ZNF599: variants seen among roughly 807,000 people sequenced by gnomAD.
ZNF599 encodes the protein zinc finger protein 599.
A neutral mutation model predicts 11.7 loss-of-function variants in ZNF599; 10 were observed. The observed-to-expected ratio is 0.86, with a 90% confidence interval of 0.53 to 1.45. The LOEUF (loss-of-function observed/expected upper bound fraction) is 1.45. Among genes scored for constraint, ZNF599 ranks in the 40% most tolerant of loss-of-function variants. The pLI is 0.00. For missense variants in ZNF599, 688 were observed against 713.6 expected (o/e 0.96, Z 0.41); for synonymous variants, 232 against 253.2 (o/e 0.92, Z 0.79).
rs780405485 is a variant in ZNF599 at position 34,769,807 on chromosome 19, C to T, written c.19-252G>A. Reference sequence around the variant, plus strand: ...ATCCCATCTGACTGTGAGGAGCAGACAGTAATGTCCTAGGACATTACAAGA... The same window carrying T: ...ATCCCATCTGACTGTGAGGAGCAGATAGTAATGTCCTAGGACATTACAAGA... On this transcript the variant is annotated intron_variant, in intron 1 of 3. Transcript: ENST00000329285. Among the ~76,000 whole-genome samples, 5 of 152,292 alleles carry T rather than the reference C, an allele frequency of 3.3e-5. No individual in the cohort carries two copies. The East Asian group carries it at 5.8e-4, about 18-fold the overall frequency.
chr19:34,771,820 C>T (rs188132770), intron 1 of ZNF599, among the ~76,000 whole-genome samples: 13 of 152,240 alleles, frequency 8.5e-5, no homozygotes, highest in Admixed American at 4.6e-4. Flanking sequence ...GGATGAAAAA[C>T]AGAACAGAAG....
upstream of ZNF599, among the ~76,000 whole-genome samples, chr19:34,775,947 G>A (rs557479482): frequency 6.6e-6 from 1 of 152,204 alleles, no homozygotes; most frequent in Non-Finnish European, 1.5e-5. Flanking sequence ...ACACATCAAG[G>A]AAATGAGTAG....
chr19:34,795,327 G>A, the ZNF599 span, among the ~76,000 whole-genome samples: 1 of 152,172 alleles, frequency 6.6e-6, no homozygotes, highest in African/African-American at 2.4e-5. Context: ...CCAAGCTGGA[G>A]TGTAGTGGCA....
chr19:34,777,543 T>A (rs1346260264), upstream of ZNF599, among the ~76,000 whole-genome samples: 2 of 122,968 alleles, frequency 1.6e-5, no homozygotes, highest in Non-Finnish European at 3.2e-5. Flanking sequence ...TCTATATATC[T>A]ATATTATATA....
At chr19:34,771,202 G>C (rs955417668) in intron 1 of ZNF599, among the ~76,000 whole-genome samples, 1 of 152,242 alleles carries the variant, frequency 6.6e-6, no homozygotes, top group East Asian at 1.9e-4. Flanking sequence ...AGTGAGCTGC[G>C]ATGGGGCCAC....
chr19:34,805,441 C>T, the ZNF599 span, among the ~76,000 whole-genome samples: 1 of 152,086 alleles, frequency 6.6e-6, no homozygotes, highest in African/African-American at 2.4e-5. Context: ...CGTGATCCAC[C>T]CGCCTCGGCC....
Position 34,759,975 on chromosome 19 carries a change from T to A in ZNF599, c.826A>T (p.Ile276Phe), listed in dbSNP as rs985107923. The A allele has an allele frequency of 1.9e-6, 3 of 1,614,230 alleles. No individual in the cohort carries two copies. In the African/African-American group the frequency reaches 4.0e-5, roughly 22 times the overall value. The change falls in exon 4 of 4, where the codon ATT becomes TTT. Residue 276 changes from isoleucine (I) to phenylalanine (F), a missense_variant. By Grantham distance (21) the Ile-to-Phe change is conservative. Coordinates refer to ENST00000329285, the MANE Select transcript of ZNF599 (RefSeq NM_001007248.3). ...RRFHLTEHQR[I>F]HTGDKPYECK... Reference sequence around the variant, plus strand: ...TCATAGGGCTTATCTCCGGTGTGAATACGCTGGTGCTCCGTGAGGTGAAAC... The same window carrying A: ...TCATAGGGCTTATCTCCGGTGTGAAAACGCTGGTGCTCCGTGAGGTGAAAC...
chr19:34,790,477 C>A, the ZNF599 span, among the ~76,000 whole-genome samples: 1 of 152,062 alleles, frequency 6.6e-6, no homozygotes, highest in Admixed American at 6.6e-5. Flanking sequence ...ACATAGATGA[C>A]CCTGGAGAAT....
the ZNF599 span, among the ~76,000 whole-genome samples, chr19:34,782,046 G>A: frequency 6.7e-3 from 1,027 of 152,346 alleles, 11 homozygotes; most frequent in African/African-American, 0.024. Flanking sequence ...AACAGGGACA[G>A]GTTACTGATA....
chr19:34,806,622 G>A, the ZNF599 span, among the ~76,000 whole-genome samples: 1 of 143,626 alleles, frequency 7.0e-6, no homozygotes, highest in Non-Finnish European at 1.5e-5. Flanking sequence ...CAATATGGCT[G>A]ACTGGAGTCT....
At chr19:34,791,508 CAA>C in the ZNF599 span, among the ~76,000 whole-genome samples, 1 of 152,198 alleles carries the variant, frequency 6.6e-6, no homozygotes, top group Non-Finnish European at 1.5e-5. Context: ...TTCTGTGTTA[CAA>C]TAGCCAGCAT....
intron 1 of ZNF599, among the ~76,000 whole-genome samples, chr19:34,770,179 T>C (rs2069173806): frequency 6.6e-6 from 1 of 152,212 alleles, no homozygotes; most frequent in African/African-American, 2.4e-5. Context: ...TCAATAGTCA[T>C]CCTATAGCCC....
chr19:34,759,788 A>T lies in ZNF599; in HGVS notation c.1013T>A (p.Leu338His), dbSNP rs866828658. Residue 338 changes from leucine (L) to histidine (H), a missense_variant, in exon 4 of 4, where the codon CTC becomes CAC. By Grantham distance (99) the Leu-to-His change is moderately conservative. Coordinates refer to ENST00000329285, the MANE Select transcript of ZNF599 (RefSeq NM_001007248.3). ...QHMRIHTGKK[L>H]YECGECGKAF... ...CTTTCCACATTCACCGCACTCATAG[A>T]GTTTCTTTCCAGTATGAATCCTCAT... 2.5e-6 allele frequency: 4 copies of T among 1,610,924 alleles called. No homozygotes were observed. The African/African-American group carries it at 5.4e-5, about 22-fold the overall frequency.
chr19:34,764,150 A>C (rs2145454954), intron 3 of ZNF599: 1 of 152,260 alleles, frequency 6.6e-6, no homozygotes, highest in South Asian at 2.1e-4. Flanking sequence ...TAAACTGTAG[A>C]CCACTGTCTA....
chr19:34,805,166 C>G, the ZNF599 span, among the ~76,000 whole-genome samples: 6 of 151,968 alleles, frequency 3.9e-5, no homozygotes, highest in African/African-American at 1.4e-4. Context: ...ACACTTCCTT[C>G]CAAAACTTTG....
intron 2 of ZNF599, 86 bp downstream of exon 2, chr19:34,769,343 C>T: frequency 6.3e-7 from 1 of 1,596,832 alleles, no homozygotes; most frequent in South Asian, 1.1e-5. Context: ...AGGTTGGGTT[C>T]TGAGGCTCCT....
chr19:34,775,498 G>A (rs752939888), upstream of ZNF599, among the ~76,000 whole-genome samples: 28 of 152,198 alleles, frequency 1.8e-4, no homozygotes, highest in Non-Finnish European at 3.2e-4. Context: ...GGTGGGTAGT[G>A]GTGGGACAGC....
At position 34,759,610 on chromosome 19, in the gene ZNF599, G is replaced by A. The variant is rs367758309; in HGVS notation, c.1191C>T (p.Cys397=). The A allele has an allele frequency of 3.5e-5, 57 of 1,612,234 alleles. No homozygotes were observed. Among genetic ancestry groups the A allele is most frequent in the African/African-American group, 8.1e-5 (6 of 74,348 alleles). The stretch of plus-strand genomic sequence containing the variant: ...GAGTAAAGGCCTTTCCACATTCACC[G>A]CACTCATAGGGTTTCTCTCCAGTGT... ...RIHTGEKPYE[C]GECGKAFTHR... Residue 397 remains cysteine, a synonymous_variant, in exon 4 of 4, where the codon TGC becomes TGT. Transcript: ENST00000329285.
rs770052330 is a variant in ZNF599 at position 34,760,538 on chromosome 19, A to G, written c.263T>C (p.Ile88Thr). 3.1e-6 allele frequency: 5 copies of G among 1,601,354 alleles called. No homozygotes were observed. Among genetic ancestry groups the G allele is most frequent in the Non-Finnish European group, 8.5e-7 (1 of 1,175,540 alleles). ...CAGCTGAGAAGCAGTAGGCTCTGTA[A>G]TCTTGGGTTTTGCTTTTTCACCTGA... ...TCAGEKAKPK[I>T]TEPTASQLAF... The change falls in exon 4 of 4, where the codon ATT becomes ACT. Residue 88 changes from isoleucine (I) to threonine (T), a missense_variant. Physicochemically the swap from Ile to Thr is moderately conservative, Grantham distance 89. Transcript: ENST00000329285.
Sources: allele counts gnomAD v4.1 joint callset (sites outside exome capture counted in the v4.1 genomes callset), GRCh38; gene constraint gnomAD v4.1.1; transcripts MANE v1.5; gene names NCBI Gene and HGNC (gene_info 2026-07-23, HGNC 2026-07-21).